ZBTB20: variants seen among roughly 807,000 people sequenced by gnomAD.
The protein encoded by ZBTB20 is zinc finger and BTB domain-containing protein 20.
In ZBTB20, 9 loss-of-function variants were observed where a neutral mutation model predicts 56.9. The observed-to-expected ratio is 0.16, with a 90% CI of 0.10 to 0.28. The LOEUF (loss-of-function observed/expected upper bound fraction) is 0.28. ZBTB20 is among the 10% of genes least tolerant of loss of function. The pLI, the probability that ZBTB20 is intolerant of heterozygous loss-of-function variation, is 1.00. For synonymous variants in ZBTB20, 417 were observed against 420.7 expected (o/e 0.99, Z 0.11); for missense variants, 655 against 1,003.0 (o/e 0.65, Z 4.69).
At chr3:114,579,907 C>G (rs1413685193) in intron 6 of ZBTB20, among the ~76,000 whole-genome samples, 1 of 151,536 alleles carries the variant, frequency 6.6e-6, no homozygotes, top group Non-Finnish European at 1.5e-5. Flanking sequence ...TCAAGTCTGC[C>G]TACCTACAAC....
At chr3:115,078,613 G>GTGTGTGTGTGTATATA (rs769630983) in intron 1 of ZBTB20, among the ~76,000 whole-genome samples, 9 of 137,828 alleles carry the variant, frequency 6.5e-5, no homozygotes, top group African/African-American at 2.5e-4. Flanking sequence ...GTGTGTGTGT[G>GTGTGTGTGTGTATATA]TATATATATA....
intron 6 of ZBTB20, among the ~76,000 whole-genome samples, chr3:114,523,095 G>A (rs1213230363): frequency 6.6e-6 from 1 of 152,096 alleles, no homozygotes; most frequent in African/African-American, 2.4e-5. Context: ...AAAAGAGACT[G>A]AGGAGGAGTA....
intron 1 of ZBTB20, among the ~76,000 whole-genome samples, chr3:115,146,376 CGGGGGGT>C (rs900522331): frequency 3.7e-5 from 5 of 135,756 alleles, no homozygotes; most frequent in African/African-American, 1.1e-4. Flanking sequence ...CAGCTGGGGG[CGGGGGGT>C]GGGGGGAGGA....
At chr3:114,736,135 G>A (rs907579558) in intron 5 of ZBTB20, among the ~76,000 whole-genome samples, 1 of 152,176 alleles carries the variant, frequency 6.6e-6, no homozygotes, top group African/African-American at 2.4e-5. Context: ...ATTCCTGGCT[G>A]TGTGACCTTG....
chr3:115,030,028 T>C (rs1215546963), intron 2 of ZBTB20, among the ~76,000 whole-genome samples: 1 of 151,036 alleles, frequency 6.6e-6, no homozygotes, highest in East Asian at 1.9e-4. Context: ...CTGAAAACAA[T>C]GTCCTATGAA....
intron 6 of ZBTB20, among the ~76,000 whole-genome samples, chr3:114,639,410 T>A (rs2059436979): frequency 6.6e-6 from 1 of 151,718 alleles, no homozygotes; most frequent in Non-Finnish European, 1.5e-5. Context: ...AACAAAGGGC[T>A]GCATTATGTA....
intron 5 of ZBTB20, among the ~76,000 whole-genome samples, chr3:114,706,996 T>C (rs540913889): frequency 6.6e-6 from 1 of 152,186 alleles, no homozygotes; most frequent in Non-Finnish European, 1.5e-5. Flanking sequence ...TGGGTAACTG[T>C]GGCTCAAAGA....
intron 7 of ZBTB20, among the ~76,000 whole-genome samples, chr3:114,459,999 C>T (rs1466189277): frequency 6.6e-6 from 1 of 151,860 alleles, no homozygotes; most frequent in Non-Finnish European, 1.5e-5. Flanking sequence ...CTCTGGTTCT[C>T]TCAGTTTACA....
intron 3 of ZBTB20, among the ~76,000 whole-genome samples, chr3:114,972,539 T>C (rs139091862): frequency 0.032 from 4,890 of 152,260 alleles, 120 homozygotes; most frequent in Middle Eastern, 0.099. Context: ...AGAAAAATAA[T>C]CATATTTCAT....
chr3:114,549,690 G>A (rs2050313737), intron 6 of ZBTB20, among the ~76,000 whole-genome samples: 4 of 149,752 alleles, frequency 2.7e-5, no homozygotes, highest in Admixed American at 1.3e-4. Flanking sequence ...TCACACTAAG[G>A]ATTTTTTTTC....
intron 2 of ZBTB20, among the ~76,000 whole-genome samples, chr3:115,047,123 C>T (rs538109176): frequency 6.6e-6 from 1 of 152,150 alleles, no homozygotes; most frequent in Admixed American, 6.6e-5. Flanking sequence ...ATCTTTGAGG[C>T]TGATTTACCA....
At chr3:114,650,206 C>T (rs2060056534) in intron 6 of ZBTB20, among the ~76,000 whole-genome samples, 1 of 143,394 alleles carries the variant, frequency 7.0e-6, no homozygotes, top group African/African-American at 2.9e-5. Flanking sequence ...AGAAAACTTC[C>T]ACTCGTTTAT....
chr3:114,463,243 G>T (rs541216609), intron 7 of ZBTB20, among the ~76,000 whole-genome samples: 4 of 152,310 alleles, frequency 2.6e-5, no homozygotes, highest in African/African-American at 9.6e-5. Context: ...TGGTGTTACT[G>T]ATGTTGTTAT....
intron 2 of ZBTB20, among the ~76,000 whole-genome samples, chr3:115,007,602 A>G (rs1377630334): frequency 6.6e-6 from 1 of 151,856 alleles, no homozygotes; most frequent in African/African-American, 2.4e-5. Context: ...AAATATACAT[A>G]AAAATAAGCA....
intron 6 of ZBTB20, among the ~76,000 whole-genome samples, chr3:114,676,863 C>CT (rs1341716870): frequency 6.6e-6 from 1 of 150,662 alleles, no homozygotes; most frequent in Non-Finnish European, 1.5e-5. Flanking sequence ...CAATGTCCGA[C>CT]TCCCTGGTTC....
intron 6 of ZBTB20, among the ~76,000 whole-genome samples, chr3:114,563,862 T>C (rs889564942): frequency 1.8e-4 from 28 of 152,194 alleles, no homozygotes; most frequent in Admixed American, 1.8e-3. Context: ...TAGATAACTT[T>C]CAATAGAAAT....
chr3:114,484,827 A>G (rs939621829), intron 7 of ZBTB20, among the ~76,000 whole-genome samples: 92 of 103,514 alleles, frequency 8.9e-4, no homozygotes, highest in African/African-American at 2.7e-3. Flanking sequence ...GTGCGCGTGC[A>G]TGTGTGTGTG....
At chr3:114,543,388 A>G (rs1338695722) in intron 6 of ZBTB20, among the ~76,000 whole-genome samples, 2 of 152,164 alleles carry the variant, frequency 1.3e-5, no homozygotes, top group Non-Finnish European at 2.9e-5. Flanking sequence ...TCCCTATGTT[A>G]AAGCAATGGT....
intron 4 of ZBTB20, among the ~76,000 whole-genome samples, chr3:114,830,061 T>C (rs1195718025): frequency 6.6e-6 from 1 of 151,938 alleles, no homozygotes; most frequent in Non-Finnish European, 1.5e-5. Context: ...AAAGTACAAT[T>C]AATGTTCTCA....
Sources: gnomAD v4.1 joint callset for allele counts (sites outside exome capture counted in the v4.1 genomes callset) on GRCh38, gnomAD v4.1.1 for gene constraint, MANE v1.5 for transcripts, NCBI Gene and HGNC (gene_info 2026-07-23, HGNC 2026-07-21) for gene names.